The following MECOM variants were observed in gnomAD, a reference collection of about 807,000 sequenced individuals.
MECOM encodes MDS1 and EVI1 complex locus, also known as histone-lysine N-methyltransferase MECOM.
Under a neutral mutation model 116.3 loss-of-function variants are expected in MECOM, and 13 were observed. The ratio of observed to expected loss-of-function variants is 0.11; its 90% confidence interval spans 0.07 to 0.18. MECOM has a LOEUF of 0.18. Among genes scored for constraint, MECOM ranks in the 10% least tolerant of loss-of-function variants. The pLI, the probability that MECOM is intolerant of heterozygous loss-of-function variation, is 1.00. For missense variants in MECOM, 1,299 were observed against 1,509.0 expected (o/e 0.86, Z 2.31); for synonymous variants, 528 against 535.2 (o/e 0.99, Z 0.19).
intron 1 of MECOM, among the ~76,000 whole-genome samples, chr3:169,437,830 C>A (rs1742917199): frequency 6.6e-6 from 1 of 152,102 alleles, no homozygotes; most frequent in African/African-American, 2.4e-5. Flanking sequence ...ATGGCTAGAC[C>A]AGACTTCCTA....
At chr3:169,142,487 G>A (rs1314154455) in intron 3 of MECOM, among the ~76,000 whole-genome samples, 1 of 151,932 alleles carries the variant, frequency 6.6e-6, no homozygotes, top group Admixed American at 6.6e-5. Flanking sequence ...TCATATGATA[G>A]ACGGAATATT....
rs566952883 is a variant in MECOM, at chr3:169,471,234, C to T, written c.38-89710G>A. Reference sequence around the variant, plus strand: ...CTCTAACTCCTGGGCTCAAGCAATACACTGGCCTCGGCTTCCCAAAGTGCT... The same window carrying T: ...CTCTAACTCCTGGGCTCAAGCAATATACTGGCCTCGGCTTCCCAAAGTGCT... On this transcript the variant is annotated intron_variant, in intron 1 of 16. Transcript: ENST00000651503. Among the ~76,000 whole-genome samples, 30 of 152,276 alleles carry T rather than the reference C, an allele frequency of 2.0e-4. 1 individual carries two copies. The South Asian group carries it at 3.3e-3, about 17-fold the overall frequency.
chr3:169,349,414 T>TG (rs1178611962), intron 2 of MECOM, among the ~76,000 whole-genome samples: 1 of 151,782 alleles, frequency 6.6e-6, no homozygotes, highest in Non-Finnish European at 1.5e-5. Context: ...CACGCTCTAG[T>TG]GGGGGGCCCT....
intron 2 of MECOM, among the ~76,000 whole-genome samples, chr3:169,191,795 G>A (rs527619646): frequency 5.8e-5 from 8 of 137,516 alleles, no homozygotes; most frequent in African/African-American, 2.0e-4. Context: ...AGAAAGAAAG[G>A]GAGGGAAGGA....
chr3:169,203,834 G>A (rs1454764400), intron 2 of MECOM, among the ~76,000 whole-genome samples: 7 of 152,148 alleles, frequency 4.6e-5, no homozygotes, highest in African/African-American at 1.7e-4. Context: ...AGACTGAAAT[G>A]AATACATTTC....
intron 1 of MECOM, among the ~76,000 whole-genome samples, chr3:169,514,106 C>T (rs1756324264): frequency 6.6e-6 from 1 of 152,138 alleles, no homozygotes; most frequent in South Asian, 2.1e-4. Flanking sequence ...TTGAGATGGT[C>T]ATAAGAAAAC....
At chr3:169,645,592 C>T (rs1774074215) in intron 1 of MECOM, among the ~76,000 whole-genome samples, 1 of 152,202 alleles carries the variant, frequency 6.6e-6, no homozygotes, top group African/African-American at 2.4e-5. Flanking sequence ...CATCCACTCT[C>T]TTTGATGAAG....
intron 1 of MECOM, among the ~76,000 whole-genome samples, chr3:169,420,340 T>C (rs1236263420): frequency 1.3e-5 from 2 of 152,156 alleles, no homozygotes; most frequent in Non-Finnish European, 2.9e-5. Context: ...ACCTGCATTA[T>C]GGCTCCAATC....
chr3:169,628,721 A>G (rs1406947938), intron 1 of MECOM, among the ~76,000 whole-genome samples: 3 of 152,220 alleles, frequency 2.0e-5, no homozygotes, highest in Non-Finnish European at 4.4e-5. Context: ...AGTGATAACA[A>G]GTTCTCTGGG....
intron 16 of MECOM, chr3:169,086,390 A>G (rs1203197000): frequency 5.1e-6 from 3 of 586,512 alleles, no homozygotes; most frequent in Admixed American, 6.1e-5. Context: ...CTTTTAGAGA[A>G]CAAGATAAAG....
chr3:169,276,917 TCTA>T (rs1759652468), intron 2 of MECOM, among the ~76,000 whole-genome samples: 1 of 152,284 alleles, frequency 6.6e-6, no homozygotes, highest in Admixed American at 6.5e-5. Context: ...ATATAAAGTA[TCTA>T]CTATTATTAT....
chr3:169,625,383 T>A (rs1228847929), intron 1 of MECOM, among the ~76,000 whole-genome samples: 2 of 152,206 alleles, frequency 1.3e-5, no homozygotes, highest in Non-Finnish European at 2.9e-5. Context: ...AGGTTAAAGC[T>A]GTTTTCACAA....
intron 2 of MECOM, among the ~76,000 whole-genome samples, chr3:169,183,697 C>T (rs1235607822): frequency 6.7e-6 from 1 of 148,806 alleles, no homozygotes; most frequent in Non-Finnish European, 1.5e-5. Flanking sequence ...TCCAAGAAGG[C>T]AGGGAGAAAG....
intron 14 of MECOM, 36 bp from the exon 15 acceptor site, chr3:169,090,272 G>A: frequency 6.4e-7 from 1 of 1,551,640 alleles, no homozygotes; most frequent in East Asian, 2.2e-5. Context: ...CCAATTGTTG[G>A]TTTCATTTTT....
intron 1 of MECOM, among the ~76,000 whole-genome samples, chr3:169,610,012 T>C (rs1290101778): frequency 6.6e-6 from 1 of 152,216 alleles, no homozygotes; most frequent in Non-Finnish European, 1.5e-5. Context: ...ATTTCCCAAA[T>C]GTCCCCAAGC....
At chr3:169,355,279 CTT>C (rs1278333992) in intron 2 of MECOM, among the ~76,000 whole-genome samples, 2 of 151,966 alleles carry the variant, frequency 1.3e-5, no homozygotes, top group African/African-American at 2.4e-5. Context: ...ACTGTCTTGA[CTT>C]TTCATTTTGC....
At chr3:169,241,002 AAAGT>A (rs1253659209) in intron 2 of MECOM, among the ~76,000 whole-genome samples, 1 of 152,188 alleles carries the variant, frequency 6.6e-6, no homozygotes, top group Non-Finnish European at 1.5e-5. Context: ...TGCACTAAAT[AAAGT>A]AATATAAAGT....
chr3:169,661,001 A>G (rs1411311945), intron 1 of MECOM, among the ~76,000 whole-genome samples: 1 of 152,208 alleles, frequency 6.6e-6, no homozygotes, highest in Non-Finnish European at 1.5e-5. Flanking sequence ...CCCTGGGGAC[A>G]AAATAAATGG....
At chr3:169,557,371 T>C (rs1762163088) in intron 1 of MECOM, among the ~76,000 whole-genome samples, 1 of 152,130 alleles carries the variant, frequency 6.6e-6, no homozygotes. Context: ...CCCACCCTCA[T>C]AGTTCCCCCT....
Sources: allele counts gnomAD v4.1 joint callset (sites outside exome capture counted in the v4.1 genomes callset), GRCh38; gene constraint gnomAD v4.1.1; transcripts MANE v1.5; gene names NCBI Gene and HGNC (gene_info 2026-07-23, HGNC 2026-07-21).